The following CYRIA variants were observed in gnomAD, a reference collection of about 807,000 sequenced individuals.
The protein encoded by CYRIA is CYFIP-related Rac1 interactor A.
In CYRIA, 15 loss-of-function variants were observed where a neutral mutation model predicts 43.9. That is an observed-to-expected ratio of 0.34 (90% CI 0.23 to 0.53). The LOEUF (loss-of-function observed/expected upper bound fraction) is 0.53, where lower values mean the gene tolerates loss of function less well. CYRIA is among the 20% of genes least tolerant of loss of function. CYRIA has a pLI of 0.94. For missense variants in CYRIA, 236 were observed against 394.2 expected (o/e 0.60, Z 3.40); for synonymous variants, 117 against 136.0 (o/e 0.86, Z 0.97).
intron 5 of CYRIA, among the ~76,000 whole-genome samples, chr2:16,562,860 A>G (rs1422897145): frequency 6.6e-6 from 1 of 151,514 alleles, no homozygotes; most frequent in African/African-American, 2.4e-5. Flanking sequence ...TCTGTTATGT[A>G]ATGACTAGGG....
At chr2:16,558,890 T>G (rs1558400697) in intron 10 of CYRIA, among the ~76,000 whole-genome samples, 1 of 152,118 alleles carries the variant, frequency 6.6e-6, no homozygotes, top group East Asian at 1.9e-4. Flanking sequence ...GAAAATGTGT[T>G]CTTAGATGAG....
intron 6 of CYRIA, 37 bp from the exon 7 acceptor site, chr2:16,561,570 A>G: frequency 1.3e-6 from 2 of 1,502,814 alleles, no homozygotes; most frequent in South Asian, 2.3e-5. Context: ...GTCATCTCTC[A>G]GTATCAGATG....
rs530508167 is a variant in CYRIA at position 16,654,998 on chromosome 2, C to T, written c.-167+10782G>A. 2.0e-5 allele frequency among the ~76,000 whole-genome samples: 3 copies of T among 152,306 alleles called. No homozygotes were observed. In the South Asian group the frequency reaches 6.2e-4, roughly 32 times the overall value. On this transcript the variant is annotated intron_variant, in intron 1 of 11. Coordinates refer to ENST00000381323, the MANE Select transcript of CYRIA (RefSeq NM_030797.4). ...ATCTGAGGTTTAACAGATAAATTTA[C>T]ACAACCTATGACCTTACTAGCAGGT... is the stretch of plus-strand genomic sequence containing the variant.
intron 1 of CYRIA, among the ~76,000 whole-genome samples, chr2:16,628,932 AG>A (rs892435700): frequency 3.9e-5 from 6 of 152,210 alleles, no homozygotes; most frequent in Non-Finnish European, 8.8e-5. Context: ...TGGTTTGAGA[AG>A]GCAGGGTGTC....
intron 3 of CYRIA, among the ~76,000 whole-genome samples, chr2:16,578,576 G>A (rs925744318): frequency 1.3e-5 from 2 of 152,090 alleles, no homozygotes; most frequent in Non-Finnish European, 2.9e-5. Context: ...AGTAATTGCT[G>A]TTTTTGCCAT....
intron 1 of CYRIA, among the ~76,000 whole-genome samples, chr2:16,638,564 A>ACC (rs1410287216): frequency 6.6e-6 from 1 of 152,142 alleles, no homozygotes; most frequent in African/African-American, 2.4e-5. Context: ...CATGTGAGGA[A>ACC]CTCTGCATGA....
At chr2:16,624,635 G>A (rs917248828) in intron 1 of CYRIA, among the ~76,000 whole-genome samples, 2 of 151,988 alleles carry the variant, frequency 1.3e-5, no homozygotes, top group South Asian at 2.1e-4. Context: ...TTCTGTCCAC[G>A]TTTCAGAGAA....
At chr2:16,553,117 C>A in intron 11 of CYRIA, 118 bp from the exon 12 acceptor site, 1 of 722,158 alleles carries the variant, frequency 1.4e-6, no homozygotes, top group East Asian at 2.6e-5. Flanking sequence ...GACAAAAATC[C>A]ACACTTCAAT....
chr2:16,624,305 A>G (rs553068539), intron 1 of CYRIA, among the ~76,000 whole-genome samples: 1 of 152,344 alleles, frequency 6.6e-6, no homozygotes, highest in South Asian at 2.1e-4. Context: ...ATGCAGCCAC[A>G]TGGTCAGGCT....
rs756049463 is a variant in CYRIA, at chr2:16,557,542, G to A, written c.837+1918C>T. Among the ~76,000 whole-genome samples the A allele has an allele frequency of 6.9e-5, 9 of 131,266 alleles. No individual in the cohort carries two copies. In the South Asian group the frequency reaches 7.0e-4, roughly 10 times the overall value. The allele number at this position is 131,266 out of a possible 152,430, so 86.1% of individuals were successfully genotyped here. ...TATCTGAATGGAGACCCTATATGTC[G>A]TAAAAAAAAAATGGCCCATCTCAAA... On this transcript the variant is annotated intron_variant, in intron 10 of 11. Transcript: ENST00000381323.
At chr2:16,616,194 T>C (rs2103499056) in intron 2 of CYRIA, among the ~76,000 whole-genome samples, 1 of 152,208 alleles carries the variant, frequency 6.6e-6, no homozygotes, top group East Asian at 1.9e-4. Context: ...CACTTGAACA[T>C]TCTACATCTC....
Position 16,588,094 on chromosome 2 carries a change from G to T in CYRIA, c.26C>A (p.Thr9Asn). 1 of 1,606,902 alleles carries T rather than the reference G, an allele frequency of 6.2e-7. No individual in the cohort carries two copies. ...GTGTGGATAGTTTTCAATTTCCCTG[G>T]TAAGGACTTTGAGCAGGTTTCCCAT... The part of the protein sequence containing the change: MGNLLKVL[T>N]REIENYPHFF... The change falls in exon 3 of 12, where the codon ACC (threonine) becomes AAC (asparagine). Residue 9 changes from threonine to asparagine, a missense_variant. By Grantham distance (65) the Thr-to-Asn change is moderately conservative. Coordinates refer to ENST00000381323, the MANE Select transcript of CYRIA (RefSeq NM_030797.4).
At chr2:16,627,169 T>A (rs570619365) in intron 1 of CYRIA, among the ~76,000 whole-genome samples, 2 of 152,300 alleles carry the variant, frequency 1.3e-5, no homozygotes, top group African/African-American at 4.8e-5. Context: ...CCCTTCTGAA[T>A]GGCTCTGGAA....
At chr2:16,626,979 TTA>T (rs1158205770) in intron 1 of CYRIA, among the ~76,000 whole-genome samples, 4 of 152,262 alleles carry the variant, frequency 2.6e-5, no homozygotes, top group Admixed American at 2.6e-4. Context: ...TCACCCCAGT[TTA>T]TAAATGGAGA....
At chr2:16,637,759 A>T (rs1393397138) in intron 1 of CYRIA, among the ~76,000 whole-genome samples, 1 of 152,244 alleles carries the variant, frequency 6.6e-6, no homozygotes, top group Non-Finnish European at 1.5e-5. Flanking sequence ...CTTTCATTAT[A>T]CAAAATAATC....
At chr2:16,623,630 C>T (rs1214230223) in intron 2 of CYRIA, among the ~76,000 whole-genome samples, 4 of 152,192 alleles carry the variant, frequency 2.6e-5, no homozygotes, top group African/African-American at 9.7e-5. Context: ...CAGCTCGACT[C>T]TGTTCTTCCC....
chr2:16,584,495 A>G (rs1667656940), intron 3 of CYRIA, among the ~76,000 whole-genome samples: 2 of 152,128 alleles, frequency 1.3e-5, no homozygotes, highest in African/African-American at 4.8e-5. Flanking sequence ...CCCTTTAAAC[A>G]TAAGCATGCC....
At chr2:16,627,226 C>A in intron 1 of CYRIA, among the ~76,000 whole-genome samples, 1 of 152,168 alleles carries the variant, frequency 6.6e-6, no homozygotes. Flanking sequence ...ATATCCACTA[C>A]GGGAGGCCGA....
At chr2:16,663,255 G>T (rs568102355) in intron 1 of CYRIA, among the ~76,000 whole-genome samples, 2 of 152,202 alleles carry the variant, frequency 1.3e-5, no homozygotes, top group Non-Finnish European at 2.9e-5. Context: ...TGGCCAGTAG[G>T]ATAGATGCTG....
Sources: gnomAD v4.1 joint callset for allele counts (sites outside exome capture counted in the v4.1 genomes callset) on GRCh38, gnomAD v4.1.1 for gene constraint, MANE v1.5 for transcripts, NCBI Gene and HGNC (gene_info 2026-07-23, HGNC 2026-07-21) for gene names.